The following GTF2IRD2 variants were observed in gnomAD, a reference collection of about 807,000 sequenced individuals.
The protein encoded by GTF2IRD2 is general transcription factor II-I repeat domain-containing protein 2A.
In GTF2IRD2, 8 loss-of-function variants were observed where a neutral mutation model predicts 49.2. That is an observed-to-expected ratio of 0.16 (90% CI 0.10 to 0.29). The LOEUF (loss-of-function observed/expected upper bound fraction) is 0.29, where lower values mean the gene tolerates loss of function less well. GTF2IRD2 is among the 10% of genes least tolerant of loss of function. The probability of loss-of-function intolerance (pLI) is 1.00; values close to 1 mark genes in which losing one functional copy is unlikely to be tolerated. For synonymous variants in GTF2IRD2, 47 were observed against 289.7 expected, an observed-to-expected ratio of 0.16 and a Z score of 8.51; for missense variants, 130 against 725.7, an observed-to-expected ratio of 0.18 and a Z score of 9.43.
At chr7:74,808,881 A>G (rs1797945540) in intron 11 of GTF2IRD2, among the ~76,000 whole-genome samples, 1 of 60,168 alleles carries the variant, frequency 1.7e-5, no homozygotes, top group South Asian at 7.6e-4. Flanking sequence ...GGAAATACAG[A>G]CATGCACCAC....
At position 74,798,043 on chromosome 7, in the gene GTF2IRD2, T is replaced by A. The variant is rs370239041; in HGVS notation, c.1469A>T (p.Lys490Ile). 5 of 1,559,030 alleles carry A rather than the reference T, an allele frequency of 3.2e-6. No homozygotes were observed. In the African/African-American group the frequency reaches 6.8e-5, roughly 21 times the overall value. The stretch of plus-strand genomic sequence containing the variant: ...TAAGAGATACTTCCTGAGCCCTTTT[T>A]TCAGCTCGTGAAGCTTCTCGTCACG... Reference protein sequence around the residue: ...RMRDEKLHELKKGLRKYLLGS... With the variant: ...RMRDEKLHELIKGLRKYLLGS... Residue 490 changes from lysine (K) to isoleucine (I), a missense_variant, in exon 16 of 16, where the codon AAA (lysine) becomes ATA (isoleucine). By Grantham distance (102) the Lys-to-Ile change is moderately radical. Transcript: ENST00000451013.
At chr7:74,813,411 A>G (rs1584389657) in intron 8 of GTF2IRD2, among the ~76,000 whole-genome samples, 1 of 48,448 alleles carries the variant, frequency 2.1e-5, no homozygotes, top group African/African-American at 5.5e-5. Flanking sequence ...AAGGAAGGAG[A>G]GGAGGATGAA....
intron 3 of GTF2IRD2, among the ~76,000 whole-genome samples, chr7:74,825,625 CT>C (rs1554419424): frequency 1.4e-5 from 2 of 147,032 alleles, no homozygotes; most frequent in East Asian, 2.0e-4. Context: ...GACTATACCC[CT>C]GAACCCATTC....
At chr7:74,845,737 ACTGTGTTTCCTGT>A (rs1801235763) in intron 1 of GTF2IRD2, among the ~76,000 whole-genome samples, 1 of 152,292 alleles carries the variant, frequency 6.6e-6, no homozygotes, top group South Asian at 2.1e-4. Flanking sequence ...ATAAGCCAAC[ACTGTGTTTCCTGT>A]CCCAAGTACA....
Position 74,822,713 on chromosome 7 carries a change from G to A in GTF2IRD2, c.453C>T (p.Gly151=), listed in dbSNP as rs782559881. The A allele has an allele frequency of 1.4e-5, 13 of 936,754 alleles. No homozygotes were observed. Among genetic ancestry groups the A allele is most frequent in the Non-Finnish European group, 1.9e-5 (12 of 623,748 alleles). The allele number at this position is 936,754 out of a possible 1,614,324, so 58.0% of individuals were successfully genotyped here. A position where few individuals can be genotyped will look rare whatever the true frequency, so the allele number is the denominator to read the frequency against. The stretch of plus-strand genomic sequence containing the variant: ...AATTCTCAGGGTGTTGAAAGGCAAC[G>A]CCTTCCGGAAGCCCCTGCACTACCA... The part of the protein sequence containing the change: ...SAVVVQGLPE[G]VAFQHPENYD... The change falls in exon 5 of 16, where the codon GGC becomes GGT. Residue 151 remains glycine, a synonymous_variant. Transcript: ENST00000451013.
chr7:74,849,016 TAAC>T (rs1479496184), intron 1 of GTF2IRD2, among the ~76,000 whole-genome samples: 4 of 3,372 alleles, frequency 1.2e-3, no homozygotes, highest in Admixed American at 3.8e-3. Flanking sequence ...AGTAAGAAAT[TAAC>T]AACAACAATA....
At chr7:74,836,748 T>C (rs1343836814) in intron 1 of GTF2IRD2, among the ~76,000 whole-genome samples, 9 of 152,200 alleles carry the variant, frequency 5.9e-5, no homozygotes, top group Non-Finnish European at 7.4e-5. Context: ...GTATTTTTTG[T>C]AAAGACGGGG....
intron 3 of GTF2IRD2, among the ~76,000 whole-genome samples, chr7:74,826,058 T>G (rs1393787641): frequency 1.3e-5 from 2 of 151,882 alleles, no homozygotes; most frequent in African/African-American, 2.4e-5. Context: ...GTGCTGGGAT[T>G]ACAGGCGTGA....
In GTF2IRD2 at chr7:74,839,729, C is replaced by T. The variant is rs1313036736; in HGVS notation, c.-5-3346G>A. Among the ~76,000 whole-genome samples, 2 of 97,940 alleles carry T rather than the reference C, an allele frequency of 2.0e-5. 1 individual carries two copies. Among genetic ancestry groups the T allele is most frequent in the Non-Finnish European group, 4.1e-5 (2 of 48,820 alleles). The allele number at this position is 97,940 out of a possible 152,430, so 64.3% of individuals were successfully genotyped here. On this transcript the variant is annotated intron_variant, in intron 1 of 15. Transcript: ENST00000451013. ...AATGTGTATTAAGAAATGGGGCCGG[C>T]GTGGTGGCTCACGCCTATAATCCCA...
intron 1 of GTF2IRD2, among the ~76,000 whole-genome samples, chr7:74,841,908 G>A (rs1276083336): frequency 1.4e-5 from 2 of 139,428 alleles, no homozygotes; most frequent in East Asian, 2.1e-4. Flanking sequence ...GACGGATCAC[G>A]AGGTCAAGAG....
chr7:74,836,049 G>A (rs1800282978), intron 2 of GTF2IRD2, among the ~76,000 whole-genome samples: 1 of 133,202 alleles, frequency 7.5e-6, no homozygotes, highest in Non-Finnish European at 1.5e-5. Flanking sequence ...CTACCCAGGA[G>A]GCTGAGGCAG....
intron 3 of GTF2IRD2, among the ~76,000 whole-genome samples, chr7:74,831,594 A>G (rs1271805409): frequency 2.2e-5 from 3 of 139,006 alleles, no homozygotes; most frequent in African/African-American, 8.2e-5. Context: ...TCATGGTTAC[A>G]AGGAATATTA....
At chr7:74,815,445 G>C (rs1169997296) in intron 8 of GTF2IRD2, among the ~76,000 whole-genome samples, 1 of 86,220 alleles carries the variant, frequency 1.2e-5, no homozygotes, top group African/African-American at 3.0e-5. Context: ...GCGAGACTCT[G>C]TCTCAAGAAA....
Position 74,796,412 on chromosome 7 carries a change from A to G in GTF2IRD2, c.*250T>C. 2 of 482,640 alleles carry G rather than the reference A, an allele frequency of 4.1e-6. No individual in the cohort carries two copies. The highest frequency in any genetic ancestry group is 4.1e-5 in the South Asian group (2 of 48,886). The allele number at this position is 482,640 out of a possible 1,614,324, so 29.9% of individuals were successfully genotyped here. On this transcript the variant is annotated 3_prime_UTR_variant, in exon 16 of 16. Transcript: ENST00000451013. ...AAACCTCATCTCTACTAATACAAAA[A>G]TTAGCCAGGCATGGTGGCGCACGCC...
intron 8 of GTF2IRD2, chr7:74,819,166 C>T (rs1308352625): frequency 3.4e-6 from 1 of 297,280 alleles, no homozygotes; most frequent in Non-Finnish European, 6.6e-6. Context: ...CTCAGGCGAT[C>T]TGTCCGCCTC....
rs1554421542 is a variant in GTF2IRD2 at position 74,839,958 on chromosome 7, C to A, written c.-5-3575G>T. 8.8e-5 allele frequency among the ~76,000 whole-genome samples: 13 copies of A among 147,316 alleles called. No individual in the cohort carries two copies. The East Asian group carries it at 1.4e-3, about 16-fold the overall frequency. ...GAGGTTGCAGTGAGCCAAGATTGTG[C>A]CACTGCCCTCCAGGTGGGGCAACAG... On this transcript the variant is annotated intron_variant, in intron 1 of 15. Coordinates refer to ENST00000451013, the MANE Select transcript of GTF2IRD2 (RefSeq NM_173537.5).
chr7:74,829,891 A>AAACAAACAAAC (rs1799690422), intron 3 of GTF2IRD2, among the ~76,000 whole-genome samples: 1 of 134,188 alleles, frequency 7.5e-6, no homozygotes, highest in Non-Finnish European at 1.6e-5. Flanking sequence ...CTGTCTCAAA[A>AAACAAACAAAC]AAAAAAAAAA....
Position 74,822,756 on chromosome 7 carries a change from A to T in GTF2IRD2, c.410T>A (p.Leu137Gln). 6.6e-7 allele frequency: 1 copy of T among 1,525,356 alleles called. No individual in the cohort carries two copies. The highest frequency in any genetic ancestry group is 8.8e-7 in the Non-Finnish European group (1 of 1,132,366). 94.5% of individuals were successfully genotyped at this position (1,525,356 alleles called of 1,614,324 possible). Residue 137 changes from leucine to glutamine, a missense_variant, in exon 5 of 16, where the codon CTG becomes CAG. Transcript: ENST00000451013. ...CACTACCACAGCCGACTGGTCTCGC[A>T]GCATCTTCTCATAGGGAACAGGCAC... ...VMVPVPYEKMLRDQSAVVVQG... is the reference protein window; with the variant it reads ...VMVPVPYEKMQRDQSAVVVQG...
At chr7:74,840,108 T>C (rs1356722461) in intron 1 of GTF2IRD2, among the ~76,000 whole-genome samples, 4 of 49,756 alleles carry the variant, frequency 8.0e-5, no homozygotes, top group Admixed American at 6.8e-4. Context: ...AGTCTCACTC[T>C]GTCGCCCAGA....
Sources: allele counts gnomAD v4.1 joint callset (sites outside exome capture counted in the v4.1 genomes callset), GRCh38; gene constraint gnomAD v4.1.1; transcripts MANE v1.5; gene names NCBI Gene and HGNC (gene_info 2026-07-23, HGNC 2026-07-21).